ADGRL3: variants seen among roughly 807,000 people sequenced by gnomAD.
ADGRL3 encodes adhesion G protein-coupled receptor L3.
ADGRL3 carries 62 observed loss-of-function variants against 153.5 expected under a neutral mutation model. The observed-to-expected ratio is 0.40, with a 90% CI of 0.33 to 0.50. The LOEUF is 0.50. Among genes scored for constraint, ADGRL3 ranks in the 20% least tolerant of loss-of-function variants. The probability of loss-of-function intolerance (pLI) is 0.47; values close to 1 mark genes in which losing one functional copy is unlikely to be tolerated. For missense variants in ADGRL3, 1,641 were observed against 1,859.4 expected (o/e 0.88, Z 2.16); for synonymous variants, 710 against 672.5 (o/e 1.06, Z -0.86).
intron 19 of ADGRL3, among the ~76,000 whole-genome samples, chr4:61,984,378 G>T (rs2099078542): frequency 6.6e-6 from 1 of 152,066 alleles, no homozygotes; most frequent in African/African-American, 2.4e-5. Flanking sequence ...TAGATTCAAG[G>T]CAAGGGAGAA....
At chr4:61,410,677 G>A (rs1000204956) in intron 2 of ADGRL3, among the ~76,000 whole-genome samples, 4 of 152,130 alleles carry the variant, frequency 2.6e-5, no homozygotes, top group African/African-American at 9.7e-5. Context: ...CAACTTCTGT[G>A]CCTGGACATA....
intron 19 of ADGRL3, among the ~76,000 whole-genome samples, chr4:61,985,358 A>G (rs1293231275): frequency 6.6e-6 from 1 of 152,084 alleles, no homozygotes; most frequent in Non-Finnish European, 1.5e-5. Flanking sequence ...TTTTCCTTCA[A>G]GTAAAAGATG....
rs575053972 is a variant in ADGRL3, at chr4:61,628,823, A to G, written c.473+41383A>G. Reference sequence around the variant, plus strand: ...ATACAGCTCAGGGAGAGCCCTGTATAAGAATCTTAGCATTAAAGAAAATAA... The same window carrying G: ...ATACAGCTCAGGGAGAGCCCTGTATGAGAATCTTAGCATTAAAGAAAATAA... On this transcript the variant is annotated intron_variant, in intron 5 of 26. Transcript: ENST00000683033. Among the ~76,000 whole-genome samples, 3 of 152,336 alleles carry G rather than the reference A, an allele frequency of 2.0e-5. No individual in the cohort carries two copies. In the East Asian group the frequency reaches 5.8e-4, roughly 29 times the overall value.
chr4:61,458,891 TCTAA>T (rs147933409), intron 2 of ADGRL3, among the ~76,000 whole-genome samples: 1,597 of 151,632 alleles, frequency 0.011, 28 homozygotes, highest in African/African-American at 0.036. Context: ...CATATATTTT[TCTAA>T]CTATTTACCA....
chr4:61,539,945 T>A (rs1039805291), intron 4 of ADGRL3, among the ~76,000 whole-genome samples: 5 of 152,122 alleles, frequency 3.3e-5, no homozygotes, highest in African/African-American at 1.2e-4. Context: ...CCCTCAGCTT[T>A]CCATTCAAAT....
At chr4:61,869,960 A>AAAAAAAAAAAAAAG (rs1554051477) in intron 9 of ADGRL3, among the ~76,000 whole-genome samples, 6 of 101,888 alleles carry the variant, frequency 5.9e-5, no homozygotes, top group Non-Finnish European at 8.0e-5. Context: ...AAAAAAAAAA[A>AAAAAAAAAAAAAAG]AGAGAGAGAG....
chr4:61,919,447 G>C (rs923276574), intron 13 of ADGRL3, among the ~76,000 whole-genome samples: 11 of 152,052 alleles, frequency 7.2e-5, no homozygotes, highest in Non-Finnish European at 1.6e-4. Context: ...GCATGTTTCT[G>C]GTGCCCTAAA....
chr4:61,399,429 C>A (rs931918378), intron 2 of ADGRL3, among the ~76,000 whole-genome samples: 1 of 151,562 alleles, frequency 6.6e-6, no homozygotes, highest in Admixed American at 6.6e-5. Flanking sequence ...TTATATCAGA[C>A]AATGATATAT....
At chr4:61,626,228 T>C (rs2092820595) in intron 5 of ADGRL3, among the ~76,000 whole-genome samples, 1 of 152,120 alleles carries the variant, frequency 6.6e-6, no homozygotes, top group Non-Finnish European at 1.5e-5. Flanking sequence ...GTGACTTTTG[T>C]TTAAGTGTGT....
chr4:61,217,348 G>T (rs1232939837), intron 1 of ADGRL3, among the ~76,000 whole-genome samples: 1 of 152,148 alleles, frequency 6.6e-6, no homozygotes, highest in Non-Finnish European at 1.5e-5. Flanking sequence ...AGATAGGAAG[G>T]TTGACTAGGC....
chr4:61,452,574 T>A (rs560338224), intron 2 of ADGRL3, among the ~76,000 whole-genome samples: 1 of 152,194 alleles, frequency 6.6e-6, no homozygotes, highest in African/African-American at 2.4e-5. Flanking sequence ...CTTTTAGAGA[T>A]TCCTTGCTTA....
At chr4:61,630,673 T>C (rs1243811496) in intron 5 of ADGRL3, among the ~76,000 whole-genome samples, 1 of 152,240 alleles carries the variant, frequency 6.6e-6, no homozygotes, top group Admixed American at 6.5e-5. Flanking sequence ...AGAAATCAGC[T>C]ACAGCTGGCT....
At chr4:61,948,668 A>T (rs1468457873) in intron 17 of ADGRL3, among the ~76,000 whole-genome samples, 1 of 152,164 alleles carries the variant, frequency 6.6e-6, no homozygotes, top group African/African-American at 2.4e-5. Context: ...AAATACAGTC[A>T]AACTGACTCT....
chr4:61,356,484 A>C (rs960747279), intron 1 of ADGRL3, among the ~76,000 whole-genome samples: 9 of 152,120 alleles, frequency 5.9e-5, no homozygotes, highest in Non-Finnish European at 1.3e-4. Context: ...TAATGATCAT[A>C]TACAACAGCT....
intron 11 of ADGRL3, among the ~76,000 whole-genome samples, chr4:61,896,290 ATTTTCAGGGC>A (rs1205172697): frequency 2.0e-5 from 3 of 152,128 alleles, no homozygotes; most frequent in Admixed American, 1.3e-4. Context: ...GCAGACTCAA[ATTTTCAGGGC>A]TTATTTGGTT....
intron 2 of ADGRL3, among the ~76,000 whole-genome samples, chr4:61,476,723 A>C (rs1316542800): frequency 4.0e-5 from 6 of 148,364 alleles, no homozygotes; most frequent in Middle Eastern, 3.2e-3. Flanking sequence ...AAAAAAAAAA[A>C]AAAAAAAAAA....
At chr4:61,621,379 A>C (rs1228600349) in intron 5 of ADGRL3, among the ~76,000 whole-genome samples, 1 of 152,160 alleles carries the variant, frequency 6.6e-6, no homozygotes, top group Non-Finnish European at 1.5e-5. Context: ...AGATATTACT[A>C]TCTTCCCTTT....
intron 1 of ADGRL3, among the ~76,000 whole-genome samples, chr4:61,257,537 G>A (rs762076188): frequency 2.6e-5 from 4 of 151,898 alleles, no homozygotes; most frequent in Admixed American, 1.3e-4. Flanking sequence ...AGAAGATTAG[G>A]GTTCTTTGAA....
chr4:61,855,823 G>T (rs987850992), intron 9 of ADGRL3, among the ~76,000 whole-genome samples: 1 of 151,954 alleles, frequency 6.6e-6, no homozygotes. Flanking sequence ...AGGCTATAGG[G>T]ATATAAACCT....
Sources: allele counts gnomAD v4.1 joint callset (sites outside exome capture counted in the v4.1 genomes callset), GRCh38; gene constraint gnomAD v4.1.1; transcripts MANE v1.5; gene names NCBI Gene and HGNC (gene_info 2026-07-23, HGNC 2026-07-21).